Variants in SORCS2 observed in about 807,000 individuals in gnomAD.
The protein encoded by SORCS2 is sortilin related VPS10 domain containing receptor 2.
In SORCS2, 100 loss-of-function variants were observed where a neutral mutation model predicts 141.6. The ratio of observed to expected loss-of-function variants is 0.71; its 90% CI spans 0.60 to 0.83. SORCS2 has a LOEUF of 0.83. Among genes scored for constraint, SORCS2 ranks in the 40% least tolerant of loss-of-function variants. The pLI, the probability that SORCS2 is intolerant of heterozygous loss-of-function variation, is 0.00. For missense variants in SORCS2, 1,646 were observed against 1,560.2 expected (o/e 1.05, Z -0.93); for synonymous variants, 789 against 676.9 (o/e 1.17, Z -2.57).
chr4:7,587,346 C>A (rs1473758234), intron 3 of SORCS2, among the ~76,000 whole-genome samples: 1 of 152,222 alleles, frequency 6.6e-6, no homozygotes, highest in African/African-American at 2.4e-5. Flanking sequence ...CATCTTCTGA[C>A]AATCGGGGAC....
At chr4:7,560,865 A>T (rs1055286140) in intron 3 of SORCS2, among the ~76,000 whole-genome samples, 14 of 152,138 alleles carry the variant, frequency 9.2e-5, no homozygotes, top group African/African-American at 3.4e-4. Context: ...TTCCCTATCG[A>T]CAGAGGTTCC....
At chr4:7,427,671 A>G (rs1018970486) in intron 2 of SORCS2, among the ~76,000 whole-genome samples, 1 of 152,026 alleles carries the variant, frequency 6.6e-6, no homozygotes, top group African/African-American at 2.4e-5. Context: ...GAGACTCGGG[A>G]AGCTTCCAGT....
chr4:7,358,196 G>A (rs1435170556), intron 1 of SORCS2, among the ~76,000 whole-genome samples: 1 of 152,210 alleles, frequency 6.6e-6, no homozygotes, highest in Non-Finnish European at 1.5e-5. Context: ...CATAGTGTGG[G>A]TGAACAGGCC....
chr4:7,700,496 A>G (rs1007499656), intron 12 of SORCS2, among the ~76,000 whole-genome samples: 1 of 152,184 alleles, frequency 6.6e-6, no homozygotes, highest in Admixed American at 6.5e-5. Flanking sequence ...GGATGGGTAG[A>G]TCAATGGGGA....
chr4:7,338,067 C>T (rs1353026170), intron 1 of SORCS2, among the ~76,000 whole-genome samples: 1 of 151,886 alleles, frequency 6.6e-6, no homozygotes, highest in Non-Finnish European at 1.5e-5. Context: ...GGTCTGGCAC[C>T]TAGAAGATGT....
intron 1 of SORCS2, among the ~76,000 whole-genome samples, chr4:7,291,024 G>A (rs1716564758): frequency 6.6e-6 from 1 of 152,178 alleles, no homozygotes; most frequent in African/African-American, 2.4e-5. Flanking sequence ...GGTTGGACAA[G>A]GTCTCTCTGA....
intron 2 of SORCS2, among the ~76,000 whole-genome samples, chr4:7,510,838 A>T (rs1377407573): frequency 6.6e-6 from 1 of 152,120 alleles, no homozygotes; most frequent in Non-Finnish European, 1.5e-5. Context: ...TGCACCCAAC[A>T]TCATGCTCTG....
At chr4:7,605,211 G>T (rs1362317502) in intron 3 of SORCS2, among the ~76,000 whole-genome samples, 1 of 152,198 alleles carries the variant, frequency 6.6e-6, no homozygotes, top group African/African-American at 2.4e-5. Context: ...GCATATCCCA[G>T]TCGTTGGAAA....
chr4:7,357,494 T>C (rs1032092560), intron 1 of SORCS2, among the ~76,000 whole-genome samples: 2 of 152,200 alleles, frequency 1.3e-5, no homozygotes, highest in African/African-American at 4.8e-5. Context: ...CGTCTGCTAA[T>C]GGACTAAGTT....
chr4:7,315,262 C>G (rs926565202), intron 1 of SORCS2, among the ~76,000 whole-genome samples: 3 of 152,204 alleles, frequency 2.0e-5, no homozygotes, highest in African/African-American at 7.2e-5. Flanking sequence ...GGGCCTCCCT[C>G]TTTGTGAAAT....
intron 1 of SORCS2, among the ~76,000 whole-genome samples, chr4:7,312,310 C>T (rs185604871): frequency 8.7e-4 from 132 of 152,304 alleles, no homozygotes; most frequent in Admixed American, 2.5e-3. Context: ...ACTCAAGCAC[C>T]GATCAACCCT....
intron 2 of SORCS2, among the ~76,000 whole-genome samples, chr4:7,514,580 T>G (rs1240779030): frequency 6.6e-6 from 1 of 152,076 alleles, no homozygotes; most frequent in East Asian, 1.9e-4. Flanking sequence ...AGTGAGGGGC[T>G]TCCCACGGGG....
chr4:7,690,776 A>G (rs1724192459), intron 11 of SORCS2, among the ~76,000 whole-genome samples: 1 of 152,188 alleles, frequency 6.6e-6, no homozygotes, highest in Non-Finnish European at 1.5e-5. Context: ...TTGGCCCCTG[A>G]AGAAAGTTCT....
At chr4:7,241,085 C>T (rs894477844) in intron 1 of SORCS2, among the ~76,000 whole-genome samples, 1 of 152,286 alleles carries the variant, frequency 6.6e-6, no homozygotes, top group East Asian at 1.9e-4. Flanking sequence ...CAGGCTTGTG[C>T]CACCATGCCT....
At chr4:7,568,043 A>G (rs1715143877) in intron 3 of SORCS2, among the ~76,000 whole-genome samples, 1 of 152,174 alleles carries the variant, frequency 6.6e-6, no homozygotes, top group South Asian at 2.1e-4. Context: ...CTCATCTGAT[A>G]TATTTCCTAC....
intron 10 of SORCS2, among the ~76,000 whole-genome samples, chr4:7,688,576 G>T (rs1019287649): frequency 2.6e-5 from 4 of 152,254 alleles, no homozygotes; most frequent in East Asian, 3.9e-4. Context: ...AGAAAGAAAG[G>T]CACAGAGAGG....
At chr4:7,357,139 C>A (rs1281841418) in intron 1 of SORCS2, among the ~76,000 whole-genome samples, 1 of 152,158 alleles carries the variant, frequency 6.6e-6, no homozygotes, top group Non-Finnish European at 1.5e-5. Flanking sequence ...TGCAGCCACA[C>A]TTCCTCCTCC....
intron 5 of SORCS2, among the ~76,000 whole-genome samples, chr4:7,656,154 G>A (rs1721761865): frequency 2.6e-5 from 4 of 152,222 alleles, no homozygotes; most frequent in Admixed American, 2.0e-4. Context: ...AATTGCCAAA[G>A]CCCCGTGTTC....
intron 8 of SORCS2, among the ~76,000 whole-genome samples, chr4:7,669,074 T>C (rs746549548): frequency 1.3e-5 from 2 of 152,246 alleles, no homozygotes; most frequent in Non-Finnish European, 2.9e-5. Flanking sequence ...CAGTGAGATT[T>C]GCAGGAAGCA....
Sources: allele counts gnomAD v4.1 joint callset (sites outside exome capture counted in the v4.1 genomes callset), GRCh38; gene constraint gnomAD v4.1.1; transcripts MANE v1.5; gene names NCBI Gene and HGNC (gene_info 2026-07-23, HGNC 2026-07-21).